COPS2: variants seen among roughly 807,000 people sequenced by gnomAD.
COPS2 encodes the protein COP9 signalosome subunit 2, also known as COP9 signalosome complex subunit 2.
A neutral mutation model predicts 66.1 loss-of-function variants in COPS2; 10 were observed. The ratio of observed to expected loss-of-function variants is 0.15; its 90% CI spans 0.09 to 0.26. The LOEUF (loss-of-function observed/expected upper bound fraction) is 0.26. COPS2 is among the 10% of genes least tolerant of loss of function. The pLI, the probability that COPS2 is intolerant of heterozygous loss-of-function variation, is 1.00. For missense variants in COPS2, 215 were observed against 513.3 expected (o/e 0.42, Z 5.62); for synonymous variants, 179 against 171.3 (o/e 1.04, Z -0.35).
At chr15:49,144,629 A>T (rs1356865765) in intron 2 of COPS2, among the ~76,000 whole-genome samples, 1 of 152,236 alleles carries the variant, frequency 6.6e-6, no homozygotes, top group Admixed American at 6.5e-5. Flanking sequence ...TAAGTCAAGA[A>T]ATCAAGCTAT....
Position 49,130,807 on chromosome 15 carries a change from C to T in COPS2, c.957G>A (p.Gln319=), listed in dbSNP as rs1247081419. The change falls in exon 10 of 13, where the codon CAG becomes CAA. Residue 319 remains glutamine, a synonymous_variant. Coordinates refer to ENST00000388901, the MANE Select transcript of COPS2 (RefSeq NM_004236.4). ...TTTCAAATTCAGTGATGTCATTATT[C>T]TGATAGGCACTAATAGAAAAACAAA... ...LAMTNLVSAY[Q]NNDITEFEKI... is the part of the protein sequence containing the mutation. 2.6e-6 allele frequency: 4 copies of T among 1,547,550 alleles called. No individual in the cohort carries two copies. In the Admixed American group the frequency reaches 6.7e-5, roughly 26 times the overall value.
At chr15:49,134,561 T>C (rs369766419) in intron 6 of COPS2, 47 bp from the exon 7 acceptor site, 1 of 1,407,372 alleles carries the variant, frequency 7.1e-7, no homozygotes, top group Non-Finnish European at 9.8e-7. Flanking sequence ...ATTCAGACAG[T>C]AATTCTTATT....
chr15:49,132,857 T>C lies in COPS2; in HGVS notation c.947+902A>G, dbSNP rs1028324830. Among the ~76,000 whole-genome samples, 4 of 152,122 alleles carry C rather than the reference T, an allele frequency of 2.6e-5. 1 individual carries two copies. The highest frequency in any genetic ancestry group is 2.6e-4 in the Admixed American group (4 of 15,268). On this transcript the variant is annotated intron_variant, in intron 9 of 12. Transcript: ENST00000388901. ...AATTTTGTCGAATATTAATTGACTATGGTAGGTTCTTCAGTGGTTAACCAT... is the reference window on the plus strand; with the variant it reads ...AATTTTGTCGAATATTAATTGACTACGGTAGGTTCTTCAGTGGTTAACCAT...
intron 4 of COPS2, among the ~76,000 whole-genome samples, chr15:49,138,738 T>C (rs1341943594): frequency 6.6e-6 from 1 of 152,096 alleles, no homozygotes; most frequent in Admixed American, 6.6e-5. Context: ...AGAAAAGACA[T>C]TAAATGAGGC....
In COPS2 at chr15:49,134,176, T is replaced by A; in HGVS notation, c.716-68A>T. 1.0e-5 allele frequency: 15 copies of A among 1,453,616 alleles called. 1 individual carries two copies. The highest frequency in any genetic ancestry group is 1.4e-5 in the Non-Finnish European group (15 of 1,066,396). 90.0% of individuals were successfully genotyped at this position (1,453,616 alleles called of 1,614,324 possible). ...TGTAATAACAAAACTGACCACCTCA[T>A]AAATGCCAAATGAAAACTATTTCAG... On this transcript the variant is annotated intron_variant, in intron 7 of 12. Coordinates refer to ENST00000388901, the MANE Select transcript of COPS2 (RefSeq NM_004236.4).
At chr15:49,154,533 T>C (rs1412662008) in intron 1 of COPS2, among the ~76,000 whole-genome samples, 4 of 151,956 alleles carry the variant, frequency 2.6e-5, no homozygotes, top group African/African-American at 9.7e-5. Flanking sequence ...TTAAAATGAG[T>C]CAGACGTCCC....
chr15:49,130,514 C>G (rs2084199755), intron 10 of COPS2, among the ~76,000 whole-genome samples: 1 of 152,032 alleles, frequency 6.6e-6, no homozygotes, highest in Non-Finnish European at 1.5e-5. Flanking sequence ...ATAAACTTGA[C>G]TATAGTAATA....
chr15:49,147,823 A>G (rs944574936), intron 1 of COPS2, among the ~76,000 whole-genome samples: 1 of 151,908 alleles, frequency 6.6e-6, no homozygotes, highest in African/African-American at 2.4e-5. Context: ...TTCATATCAT[A>G]CGGATTAAGA....
intron 11 of COPS2, among the ~76,000 whole-genome samples, chr15:49,128,980 T>C (rs1475933236): frequency 1.3e-5 from 2 of 152,214 alleles, no homozygotes; most frequent in Non-Finnish European, 2.9e-5. Context: ...AACAATTTTA[T>C]TGTGGTTGAA....
At chr15:49,142,524 C>T (rs1055006154) in intron 3 of COPS2, among the ~76,000 whole-genome samples, 1 of 152,094 alleles carries the variant, frequency 6.6e-6, no homozygotes, top group African/African-American at 2.4e-5. Flanking sequence ...AATACAAAAA[C>T]AGGGGAAAAA....
intron 9 of COPS2, among the ~76,000 whole-genome samples, chr15:49,132,571 C>CAAAAAA (rs748471326): frequency 3.3e-5 from 2 of 59,894 alleles, no homozygotes; most frequent in African/African-American, 1.3e-4. Context: ...CATATATCTG[C>CAAAAAA]AAAAAAAAAA....
chr15:49,136,817 C>T (rs964244787), intron 6 of COPS2, among the ~76,000 whole-genome samples: 2 of 151,754 alleles, frequency 1.3e-5, no homozygotes, highest in African/African-American at 2.4e-5. Flanking sequence ...CAAAACCCCA[C>T]CTCTACAAAA....
intron 1 of COPS2, among the ~76,000 whole-genome samples, chr15:49,151,805 C>CTT (rs1279298178): frequency 3.0e-5 from 4 of 132,592 alleles, no homozygotes; most frequent in East Asian, 2.2e-4. Flanking sequence ...ATATTCGTTT[C>CTT]TTTTTTTTTT....
rs2084269900 is a variant in COPS2 at position 49,138,656 on chromosome 15, C to A, written c.372+872G>T. On this transcript the variant is annotated intron_variant, in intron 4 of 12. Transcript: ENST00000388901. ...TATTCTAACAAAACATGTAAGTTTA[C>A]CTTCCTCTATTGGCATTACATAAAA... Among the ~76,000 whole-genome samples, 3 of 151,994 alleles carry A rather than the reference C, an allele frequency of 2.0e-5. No homozygotes were observed. In the South Asian group the frequency reaches 6.2e-4, roughly 32 times the overall value.
chr15:49,153,204 T>C (rs111363659), intron 1 of COPS2, among the ~76,000 whole-genome samples: 3,127 of 152,266 alleles, frequency 0.021, 34 homozygotes, highest in Middle Eastern at 0.027. Flanking sequence ...GGCGGGATGA[T>C]TGGTTGGGCC....
In COPS2 at chr15:49,124,758, C is replaced by T. The variant is rs1013110393; in HGVS notation, c.*3192G>A. 1 of 152,138 alleles carries T rather than the reference C, an allele frequency of 6.6e-6. No homozygotes were observed. Among genetic ancestry groups the T allele is most frequent in the East Asian group, 1.9e-4 (1 of 5,204 alleles). 9.4% of individuals were successfully genotyped at this position (152,138 alleles called of 1,614,324 possible). On this transcript the variant is annotated 3_prime_UTR_variant, in exon 13 of 13. Transcript: ENST00000388901. ...TTTACTTGTGTATGCTCAAGCCTCACTTCAAAAATCTAAATCAAAAGAGAA... is the reference window on the plus strand; with the variant it reads ...TTTACTTGTGTATGCTCAAGCCTCATTTCAAAAATCTAAATCAAAAGAGAA...
intron 9 of COPS2, among the ~76,000 whole-genome samples, chr15:49,133,096 C>A (rs1275050674): frequency 1.3e-5 from 2 of 150,006 alleles, no homozygotes; most frequent in South Asian, 4.2e-4. Flanking sequence ...TCATGCCATT[C>A]TCCTGCCTCA....
At position 49,135,233 on chromosome 15, in the gene COPS2, C is replaced by T. The variant is rs568841122; in HGVS notation, c.541-719G>A. On this transcript the variant is annotated intron_variant, in intron 6 of 12. Coordinates refer to ENST00000388901, the MANE Select transcript of COPS2 (RefSeq NM_004236.4). Reference sequence around the variant, plus strand: ...GATAAGGGTTGGGAGGACTGCTGTACGTATGAAATGTTTTAATGTTTATGT... The same window carrying T: ...GATAAGGGTTGGGAGGACTGCTGTATGTATGAAATGTTTTAATGTTTATGT... 1.5e-4 allele frequency among the ~76,000 whole-genome samples: 23 copies of T among 152,278 alleles called. No homozygotes were observed. In the South Asian group the frequency reaches 3.9e-3, roughly 26 times the overall value.
chr15:49,124,437 T>C lies in COPS2; in HGVS notation c.*3513A>G, dbSNP rs2084148721. The stretch of plus-strand genomic sequence containing the variant: ...AAACAAATATAAATAGGATGCTGAT[T>C]TGGGGGAAAAAAAAACCTAAAACAA... On this transcript the variant is annotated 3_prime_UTR_variant, in exon 13 of 13. Transcript: ENST00000388901. 1.4e-5 allele frequency: 2 copies of C among 144,874 alleles called. No homozygotes were observed. The highest frequency in any genetic ancestry group is 1.4e-4 in the Admixed American group (2 of 14,544). The allele number at this position is 144,874 out of a possible 1,614,324, so 9.0% of individuals were successfully genotyped here.
Sources: gnomAD v4.1 joint callset for allele counts (sites outside exome capture counted in the v4.1 genomes callset) on GRCh38, gnomAD v4.1.1 for gene constraint, MANE v1.5 for transcripts, NCBI Gene and HGNC (gene_info 2026-07-23, HGNC 2026-07-21) for gene names.